Variants in FOXP2 observed in about 807,000 individuals in gnomAD.
FOXP2 encodes the protein forkhead box P2, also known as forkhead box protein P2.
In FOXP2, 12 loss-of-function variants were observed where a neutral mutation model predicts 115.8. That is an observed-to-expected ratio of 0.10 (90% CI 0.07 to 0.17). The LOEUF is 0.17. Among genes scored for constraint, FOXP2 ranks in the 10% least tolerant of loss-of-function variants. FOXP2 has a pLI of 1.00. For missense variants in FOXP2, 629 were observed against 843.5 expected (o/e 0.75, Z 3.15); for synonymous variants, 328 against 297.7 (o/e 1.10, Z -1.05).
chr7:114,121,742 A>G (rs1791572467), intron 1 of FOXP2, among the ~76,000 whole-genome samples: 2 of 152,124 alleles, frequency 1.3e-5, no homozygotes. Flanking sequence ...TGTTTAGTTA[A>G]GGAGATATGG....
rs2129354800 is a variant in FOXP2 at position 114,690,629 on chromosome 7, A to T, written c.*703A>T. On this transcript the variant is annotated 3_prime_UTR_variant, in exon 17 of 17. Coordinates refer to ENST00000350908, the MANE Select transcript of FOXP2 (RefSeq NM_014491.4). ...TAAAGTGCAATCCTAAGCTAACATT[A>T]TCTGTGCAAGCACCATAGAAACATT... The T allele has an allele frequency of 6.6e-6, 3 of 454,204 alleles. No homozygotes were observed. The highest frequency in any genetic ancestry group is 1.3e-5 in the Non-Finnish European group (3 of 226,778). 28.1% of individuals were successfully genotyped at this position (454,204 alleles called of 1,614,324 possible). A position where few individuals can be genotyped will look rare whatever the true frequency, so the allele number is the denominator to read the frequency against.
chr7:114,101,314 C>G (rs1474400971), intron 1 of FOXP2, among the ~76,000 whole-genome samples: 2 of 152,150 alleles, frequency 1.3e-5, no homozygotes. Context: ...ACAAGACATG[C>G]AGAAACAGGA....
intron 2 of FOXP2, among the ~76,000 whole-genome samples, chr7:114,522,887 T>C (rs1321735982): frequency 6.6e-6 from 1 of 152,098 alleles, no homozygotes; most frequent in Non-Finnish European, 1.5e-5. Context: ...AAATGTATCT[T>C]TGTGAATTGG....
At chr7:114,407,854 G>C (rs1793071856) in intron 2 of FOXP2, among the ~76,000 whole-genome samples, 1 of 152,000 alleles carries the variant, frequency 6.6e-6, no homozygotes, top group Non-Finnish European at 1.5e-5. Context: ...CCAAGAACCA[G>C]CATTCTAGCA....
At chr7:114,310,270 T>C (rs1450577460) in intron 2 of FOXP2, among the ~76,000 whole-genome samples, 1 of 152,140 alleles carries the variant, frequency 6.6e-6, no homozygotes, top group Non-Finnish European at 1.5e-5. Flanking sequence ...AGGGTGAATG[T>C]CTCCCCCAGA....
intron 2 of FOXP2, among the ~76,000 whole-genome samples, chr7:114,523,734 G>A (rs992405162): frequency 6.6e-6 from 1 of 152,000 alleles, no homozygotes; most frequent in Non-Finnish European, 1.5e-5. Context: ...CTTTGGAGTG[G>A]TCCATCTCAT....
chr7:114,417,960 T>C (rs1025155962), intron 1 of FOXP2, among the ~76,000 whole-genome samples: 1 of 151,958 alleles, frequency 6.6e-6, no homozygotes, highest in Non-Finnish European at 1.5e-5. Flanking sequence ...AAGTACTTTA[T>C]TGCATCTTAA....
intron 1 of FOXP2, among the ~76,000 whole-genome samples, chr7:114,260,974 A>T (rs1244526022): frequency 6.6e-6 from 1 of 152,218 alleles, no homozygotes. Context: ...CATGAAACAA[A>T]AAGGTGAATG....
intron 1 of FOXP2, among the ~76,000 whole-genome samples, chr7:114,229,480 G>GATAGATC (rs1374120196): frequency 6.6e-6 from 1 of 151,554 alleles, no homozygotes; most frequent in Non-Finnish European, 1.5e-5. Context: ...ACATTCTTCA[G>GATAGATC]ATAGATCATG....
intron 3 of FOXP2, among the ~76,000 whole-genome samples, chr7:114,543,375 TA>T (rs1212217438): frequency 6.6e-6 from 1 of 151,944 alleles, no homozygotes; most frequent in Non-Finnish European, 1.5e-5. Context: ...ATCCTCAAAT[TA>T]AAAAAAATTT....
chr7:114,659,526 T>C, intron 12 of FOXP2, 46 bp from the exon 13 acceptor site: 1 of 1,586,436 alleles, frequency 6.3e-7, no homozygotes, highest in Non-Finnish European at 8.7e-7. Context: ...CTAGTCTAGT[T>C]AGTAAACCAT....
rs574419641 is a variant in FOXP2, at chr7:114,672,847, C to T, written c.2003+8411C>T. On this transcript the variant is annotated intron_variant, in intron 16 of 16. Transcript: ENST00000350908. ...AGACAGCTTCACCAGGAGCCAGCAG[C>T]GGATGGGTAACAACTCCAATAGGGC... is the stretch of plus-strand genomic sequence containing the variant. Among the ~76,000 whole-genome samples, 21 of 152,124 alleles carry T rather than the reference C, an allele frequency of 1.4e-4. No homozygotes were observed. In the South Asian group the frequency reaches 3.5e-3, roughly 26 times the overall value.
intron 2 of FOXP2, among the ~76,000 whole-genome samples, chr7:114,389,348 G>C (rs369559697): frequency 5.9e-5 from 9 of 152,308 alleles, no homozygotes; most frequent in African/African-American, 2.2e-4. Context: ...TCTAGGTGAG[G>C]ATTGGAACCC....
intron 1 of FOXP2, among the ~76,000 whole-genome samples, chr7:114,226,363 C>T (rs975579132): frequency 6.6e-6 from 1 of 152,118 alleles, no homozygotes; most frequent in African/African-American, 2.4e-5. Flanking sequence ...GATGTGTTTC[C>T]TCCCTCAAGT....
At chr7:114,487,883 T>G (rs567621619) in intron 2 of FOXP2, among the ~76,000 whole-genome samples, 1 of 152,308 alleles carries the variant, frequency 6.6e-6, no homozygotes, top group East Asian at 1.9e-4. Flanking sequence ...CACATTTTCC[T>G]GTCTTCTGAG....
chr7:114,348,796 T>C (rs1417575327), intron 2 of FOXP2, among the ~76,000 whole-genome samples: 1 of 152,090 alleles, frequency 6.6e-6, no homozygotes, highest in Non-Finnish European at 1.5e-5. Flanking sequence ...GAGATGCTTT[T>C]GCAAGGGTCA....
At chr7:114,145,836 T>A (rs903926888) in intron 1 of FOXP2, among the ~76,000 whole-genome samples, 43 of 152,330 alleles carry the variant, frequency 2.8e-4, no homozygotes, top group African/African-American at 8.2e-4. Context: ...TATTTTAAAT[T>A]ATCCTATTGT....
intron 8 of FOXP2, among the ~76,000 whole-genome samples, chr7:114,647,075 T>C (rs1286485838): frequency 6.6e-6 from 1 of 151,962 alleles, no homozygotes; most frequent in Non-Finnish European, 1.5e-5. Flanking sequence ...AAAATATTAT[T>C]GTGCATTTTT....
At chr7:114,651,325 A>G (rs1460615138) in intron 8 of FOXP2, among the ~76,000 whole-genome samples, 1 of 152,116 alleles carries the variant, frequency 6.6e-6, no homozygotes, top group Non-Finnish European at 1.5e-5. Context: ...ACTAAAGGAT[A>G]TTGAATTACT....
Sources: allele counts gnomAD v4.1 joint callset (sites outside exome capture counted in the v4.1 genomes callset), GRCh38; gene constraint gnomAD v4.1.1; transcripts MANE v1.5; gene names NCBI Gene and HGNC (gene_info 2026-07-23, HGNC 2026-07-21).